The following ESPL1 variants were observed in gnomAD, a reference collection of about 807,000 sequenced individuals.
ESPL1 encodes the protein separin.
ESPL1 carries 50 observed loss-of-function variants against 217.2 expected under a neutral mutation model. That is an observed-to-expected ratio of 0.23 (90% CI 0.18 to 0.29). The LOEUF is 0.29. ESPL1 is among the 10% of genes least tolerant of loss of function. The pLI is 1.00. For synonymous variants in ESPL1, 994 were observed against 1,081.3 expected (o/e 0.92, Z 1.58); for missense variants, 1,834 against 2,603.0 (o/e 0.70, Z 6.43).
intron 25 of ESPL1, among the ~76,000 whole-genome samples, chr12:53,291,427 C>CTA (rs2121001807): frequency 6.6e-6 from 1 of 151,144 alleles, no homozygotes; most frequent in African/African-American, 2.4e-5. Context: ...CCCATCTCTA[C>CTA]TAAAAATACA....
intron 12 of ESPL1, among the ~76,000 whole-genome samples, chr12:53,280,932 C>T (rs1943850316): frequency 6.6e-6 from 1 of 150,660 alleles, no homozygotes; most frequent in African/African-American, 2.4e-5. Flanking sequence ...GCGGAGGTTG[C>T]GGTGAGCTGA....
intron 16 of ESPL1, 145 bp from the exon 17 acceptor site, chr12:53,283,913 G>A (rs922883735): frequency 2.9e-6 from 2 of 679,110 alleles, no homozygotes; most frequent in African/African-American, 3.6e-5. Flanking sequence ...TCCCCAGGGA[G>A]CCTTTAAGTC....
At chr12:53,274,358 G>C (rs1943727614) in intron 6 of ESPL1, 1 of 158,394 alleles carries the variant, frequency 6.3e-6, no homozygotes, top group Non-Finnish European at 1.4e-5. Context: ...AAAAGACCGG[G>C]TAATCAGGCT....
chr12:53,277,340 GTC>G (rs1467293728), intron 9 of ESPL1, 113 bp downstream of exon 9: 2 of 1,470,212 alleles, frequency 1.4e-6, no homozygotes, highest in Non-Finnish European at 1.8e-6. Context: ...TAGAGATGGG[GTC>G]TCTCTGTTGC....
chr12:53,290,333 C>T lies in ESPL1; in HGVS notation c.5242-14C>T, dbSNP rs1944031015. 1 of 1,611,956 alleles carries T rather than the reference C, an allele frequency of 6.2e-7. No individual in the cohort carries two copies. The highest frequency in any genetic ancestry group is 8.5e-7 in the Non-Finnish European group (1 of 1,180,016). Reference sequence around the variant, plus strand: ...CGTGGACAAGCAGAGCTCTCACAGCCCCATCTCCCAAAGCTTCATCTGCGT... The same window carrying T: ...CGTGGACAAGCAGAGCTCTCACAGCTCCATCTCCCAAAGCTTCATCTGCGT... On this transcript the variant is annotated splice_polypyrimidine_tract_variant and intron_variant, in intron 23 of 30. Transcript: ENST00000257934.
In ESPL1 at chr12:53,276,635, C is replaced by T. The variant is rs775348881; in HGVS notation, c.1716C>T (p.Ser572=). 21 of 1,612,030 alleles carry T rather than the reference C, an allele frequency of 1.3e-5. No homozygotes were observed. In the South Asian group the frequency reaches 2.0e-4, roughly 15 times the overall value. ...CCTCTCTCAGGACTCTGCGAGACAG[C>T]CTCAGTGGCTGGGACCCGGAGACCC... is the stretch of plus-strand genomic sequence containing the variant. ...KELQLKTLRD[S]LSGWDPETLA... The change falls in exon 8 of 31, where the codon AGC becomes AGT. Residue 572 remains serine (S), a synonymous_variant. Coordinates refer to ENST00000257934, the MANE Select transcript of ESPL1 (RefSeq NM_012291.5).
intron 5 of ESPL1, among the ~76,000 whole-genome samples, chr12:53,271,554 G>T (rs955162004): frequency 4.0e-5 from 6 of 151,636 alleles, no homozygotes; most frequent in African/African-American, 1.5e-4. Flanking sequence ...CCAGCTACTT[G>T]GTAGGCTGAG....
intron 18 of ESPL1, 40 bp from the exon 19 acceptor site, chr12:53,287,915 CAAGGTGTCTTGTCACTG>C: frequency 6.6e-7 from 1 of 1,507,214 alleles, no homozygotes; most frequent in South Asian, 1.3e-5. Flanking sequence ...CCTGCTGTCA[CAAGGTGTCTTGTCACTG>C]AAGACCTCTT....
At chr12:53,271,292 G>A (rs907942865) in intron 5 of ESPL1, among the ~76,000 whole-genome samples, 4 of 147,478 alleles carry the variant, frequency 2.7e-5, no homozygotes, top group Non-Finnish European at 6.0e-5. Context: ...TCCCACCTCA[G>A]CCCCGCAACG....
intron 17 of ESPL1, among the ~76,000 whole-genome samples, chr12:53,284,897 A>T (rs1254363736): frequency 3.3e-5 from 5 of 151,208 alleles, no homozygotes; most frequent in African/African-American, 1.2e-4. Context: ...CTGTAATCCC[A>T]GCTACTCAGA....
At chr12:53,274,721 T>C in intron 6 of ESPL1, 96 bp from the exon 7 acceptor site, 1 of 1,005,784 alleles carries the variant, frequency 9.9e-7, no homozygotes, top group Non-Finnish European at 1.5e-6. Context: ...CCCCGCCCCC[T>C]CATGTGGTGT....
intron 18 of ESPL1, 41 bp from the exon 19 acceptor site, chr12:53,287,931 T>C (rs781464578): frequency 1.3e-6 from 2 of 1,528,566 alleles, no homozygotes; most frequent in Non-Finnish European, 8.8e-7. Flanking sequence ...GTCTTGTCAC[T>C]GAAGACCTCT....
chr12:53,293,118 T>A lies in ESPL1; in HGVS notation c.6161+148T>A. The A allele has an allele frequency of 1.0e-6, 1 of 980,464 alleles. No individual in the cohort carries two copies. The highest frequency in any genetic ancestry group is 1.5e-6 in the Non-Finnish European group (1 of 654,380). 60.7% of individuals were successfully genotyped at this position (980,464 alleles called of 1,614,324 possible). On this transcript the variant is annotated intron_variant, in intron 30 of 30. Coordinates refer to ENST00000257934, the MANE Select transcript of ESPL1 (RefSeq NM_012291.5). This position sits in a 1 kb window ranked among gnomAD's most constrained non-coding sequence, Gnocchi z 4.2. ...CCTGGCATGCCTGGACCATTAACCCTTAGCTCCCTTCTGTTCTTCTCTTGT... is the reference window on the plus strand; with the variant it reads ...CCTGGCATGCCTGGACCATTAACCCATAGCTCCCTTCTGTTCTTCTCTTGT...
Position 53,269,303 on chromosome 12 carries a change from G to A in ESPL1, c.361G>A (p.Ala121Thr). Residue 121 changes from alanine to threonine, a missense_variant, in exon 3 of 31, where the codon GCT becomes ACT. Ala to Thr is a moderately conservative substitution (Grantham distance 58, BLOSUM62 0). Around this residue, in one of 5 missense-constraint regions of ESPL1, gnomAD observed 746 missense variants for 1,077.0 expected, o/e 0.69. Transcript: ENST00000257934. This position sits in a 1 kb window ranked among gnomAD's most constrained non-coding sequence, Gnocchi z 6.7. ...AAGCCCAGAGGCCACACTCCGCCTT[G>A]CTCAGCCCCTCCATGCCTGCTTGGT... ...QGSPEATLRLAQPLHACLVQC... is the reference protein window; with the variant it reads ...QGSPEATLRLTQPLHACLVQC... The A allele has an allele frequency of 1.2e-6, 2 of 1,614,178 alleles. No homozygotes were observed. The highest frequency in any genetic ancestry group is 1.7e-6 in the Non-Finnish European group (2 of 1,180,044).
chr12:53,278,890 G>T (rs943168087), intron 11 of ESPL1, among the ~76,000 whole-genome samples: 1 of 149,966 alleles, frequency 6.7e-6, no homozygotes, highest in Non-Finnish European at 1.5e-5. Flanking sequence ...CCAGCTTTCC[G>T]CCCCGCCCCC....
intron 22 of ESPL1, 53 bp downstream of exon 22, chr12:53,289,647 C>G: frequency 6.7e-7 from 1 of 1,494,506 alleles, no homozygotes. Flanking sequence ...CATCTTCTTA[C>G]TTGGGAGCTG....
intron 11 of ESPL1, among the ~76,000 whole-genome samples, chr12:53,278,409 G>A (rs1943806995): frequency 6.6e-6 from 1 of 151,348 alleles, no homozygotes; most frequent in South Asian, 2.1e-4. Context: ...CCAGGAGGTA[G>A]AGGTTGCAGT....
rs1943773637 is a variant in ESPL1 at position 53,276,813 on chromosome 12, C to T, written c.1894C>T (p.Leu632=). Residue 632 remains leucine, a synonymous_variant, in exon 8 of 31, where the codon CTG becomes TTG. Coordinates refer to ENST00000257934, the MANE Select transcript of ESPL1 (RefSeq NM_012291.5). ...GGCACGAGCCACCCACCTGGTAGAACTGGCTCAGGTGCTCTGCTACCACGA... is the reference window on the plus strand; with the variant it reads ...GGCACGAGCCACCCACCTGGTAGAATTGGCTCAGGTGCTCTGCTACCACGA... The part of the protein sequence containing the change: ...AWARATHLVE[L]AQVLCYHDFT... 1.2e-6 allele frequency: 2 copies of T among 1,613,960 alleles called. No individual in the cohort carries two copies. The highest frequency in any genetic ancestry group is 1.7e-6 in the Non-Finnish European group (2 of 1,180,024).
rs775689155 is a variant in ESPL1, at chr12:53,270,344, ACTC to A, written c.1144-30_1144-28del. The A allele has an allele frequency of 5.4e-5, 78 of 1,449,402 alleles. No homozygotes were observed. The East Asian group carries it at 1.7e-3, about 32-fold the overall frequency. The allele number at this position is 1,449,402 out of a possible 1,614,324, so 89.8% of individuals were successfully genotyped here. A position where few individuals can be genotyped will look rare whatever the true frequency, so the allele number is the denominator to read the frequency against. ...TCAGCTTGGAGCCCTCTTTATCTCTACTCCTCATACCAACCTTCCGCTTCCTTC... is the reference window on the plus strand; with the variant it reads ...TCAGCTTGGAGCCCTCTTTATCTCTACTCATACCAACCTTCCGCTTCCTTC... On this transcript the variant is annotated intron_variant, in intron 3 of 30. Transcript: ENST00000257934.
Sources: gnomAD v4.1 joint callset for allele counts (sites outside exome capture counted in the v4.1 genomes callset) on GRCh38, gnomAD v4.1.1 for gene constraint, gnomAD v4.1.1 regional missense constraint, Gnocchi (gnomAD v3.1) non-coding constraint, MANE v1.5 for transcripts, NCBI Gene and HGNC (gene_info 2026-07-23, HGNC 2026-07-21) for gene names.